The following WWOX variants were observed in gnomAD, a reference collection of about 807,000 sequenced individuals.
WWOX encodes the protein WW domain containing oxidoreductase, also known as WW domain-containing oxidoreductase.
A neutral mutation model predicts 46.2 loss-of-function variants in WWOX; 69 were observed. The ratio of observed to expected loss-of-function variants is 1.49; its 90% CI spans 1.23 to 1.82. The LOEUF (loss-of-function observed/expected upper bound fraction) is 1.82, where lower values mean the gene tolerates loss of function less well. Ranked by LOEUF, WWOX falls within the 40% of genes most tolerant of loss-of-function variation. The pLI, the probability that WWOX is intolerant of heterozygous loss-of-function variation, is 0.00. For synonymous variants in WWOX, 359 were observed against 202.6 expected (o/e 1.77, Z -6.56); for missense variants, 919 against 542.6 (o/e 1.69, Z -6.89).
intron 8 of WWOX, among the ~76,000 whole-genome samples, chr16:78,591,319 T>C (rs1275453034): frequency 6.6e-6 from 1 of 152,152 alleles, no homozygotes; most frequent in East Asian, 1.9e-4. Flanking sequence ...CAGAACTGTA[T>C]CAAATTTACA....
At chr16:78,890,209 A>G (rs773831535) in intron 8 of WWOX, 28 of 152,226 alleles carry the variant, frequency 1.8e-4, no homozygotes, top group Non-Finnish European at 4.0e-4. Flanking sequence ...AGGCACATCT[A>G]TTCTTGAAAT....
At position 78,399,955 on chromosome 16, in the gene WWOX, C is replaced by T. The variant is rs1242700764; in HGVS notation, c.605+13007C>T. On this transcript the variant is annotated intron_variant, in intron 6 of 8. Coordinates refer to ENST00000566780, the MANE Select transcript of WWOX (RefSeq NM_016373.4). ...AATCAGCGGTGCTACACCGTGGCAGCCTGCTGAAAATCCCCAAGGAAGATT... is the reference window on the plus strand; with the variant it reads ...AATCAGCGGTGCTACACCGTGGCAGTCTGCTGAAAATCCCCAAGGAAGATT... Among the ~76,000 whole-genome samples the T allele has an allele frequency of 2.0e-5, 3 of 152,152 alleles. No individual in the cohort carries two copies. The East Asian group carries it at 5.8e-4, about 29-fold the overall frequency.
intron 8 of WWOX, among the ~76,000 whole-genome samples, chr16:78,852,495 G>A (rs1479104669): frequency 8.5e-5 from 13 of 152,180 alleles, no homozygotes; most frequent in Admixed American, 7.9e-4. Context: ...CAACATGAGC[G>A]AGCCTTGTTG....
chr16:79,023,786 AAAATAC>A (rs2151387941), intron 8 of WWOX, among the ~76,000 whole-genome samples: 1 of 56,084 alleles, frequency 1.8e-5, no homozygotes, highest in Admixed American at 2.2e-4. Flanking sequence ...ATCTCTACTA[AAAATAC>A]AAAAAAAAAA....
intron 8 of WWOX, among the ~76,000 whole-genome samples, chr16:78,744,848 C>CT (rs1597534310): frequency 6.6e-6 from 1 of 152,128 alleles, no homozygotes; most frequent in East Asian, 1.9e-4. Context: ...GGTGACTTCA[C>CT]TAAAGTCATT....
chr16:79,125,359 A>G (rs926142585), intron 8 of WWOX, among the ~76,000 whole-genome samples: 8 of 152,198 alleles, frequency 5.3e-5, no homozygotes, highest in Admixed American at 3.9e-4. Context: ...GTCCAATAGC[A>G]TGGGAAAGTA....
intron 8 of WWOX, among the ~76,000 whole-genome samples, chr16:78,484,135 T>G (rs1203215566): frequency 6.6e-6 from 1 of 152,352 alleles, no homozygotes; most frequent in East Asian, 1.9e-4. Context: ...CATATGTATG[T>G]AGTGCTTTGT....
At chr16:78,759,122 T>G (rs2049728881) in intron 8 of WWOX, among the ~76,000 whole-genome samples, 1 of 152,146 alleles carries the variant, frequency 6.6e-6, no homozygotes, top group Admixed American at 6.5e-5. Flanking sequence ...TAGGGATTCC[T>G]GGCTGATCTG....
Position 78,781,615 on chromosome 16 carries a change from G to T in WWOX, c.1056+348863G>T, listed in dbSNP as rs181595603. Among the ~76,000 whole-genome samples the T allele has an allele frequency of 3.9e-3, 587 of 152,180 alleles. 10 individuals carry two copies. The highest frequency in any genetic ancestry group is 2.4e-3 in the Non-Finnish European group (166 of 68,010). On this transcript the variant is annotated intron_variant, in intron 8 of 8. Coordinates refer to ENST00000566780, the MANE Select transcript of WWOX (RefSeq NM_016373.4). Reference sequence around the variant, plus strand: ...CCCCACTTTATCCAAAAGTTATTCAGTGTTTTACAAAGACATGAATATTGG... The same window carrying T: ...CCCCACTTTATCCAAAAGTTATTCATTGTTTTACAAAGACATGAATATTGG...
At chr16:78,897,413 A>G (rs1172873016) in intron 8 of WWOX, 1 of 152,074 alleles carries the variant, frequency 6.6e-6, no homozygotes, top group African/African-American at 2.4e-5. Context: ...CATTTAATAG[A>G]AATCATACCT....
chr16:78,762,879 A>T (rs1260191005), intron 8 of WWOX, among the ~76,000 whole-genome samples: 2 of 152,202 alleles, frequency 1.3e-5, no homozygotes, highest in South Asian at 4.1e-4. Flanking sequence ...TGAAGGACTC[A>T]TGGTAGTTAA....
At chr16:78,959,399 C>A (rs1390653524) in intron 8 of WWOX, among the ~76,000 whole-genome samples, 2 of 152,188 alleles carry the variant, frequency 1.3e-5, no homozygotes, top group African/African-American at 2.4e-5. Flanking sequence ...ACTTGACGTC[C>A]ATTAGGGGAC....
At chr16:78,633,558 G>A (rs994527568) in intron 8 of WWOX, among the ~76,000 whole-genome samples, 4 of 152,138 alleles carry the variant, frequency 2.6e-5, no homozygotes, top group Non-Finnish European at 5.9e-5. Context: ...TTCACTGTGC[G>A]GGTTTCTGAT....
At chr16:78,150,298 C>G (rs145608477) in intron 4 of WWOX, among the ~76,000 whole-genome samples, 168 of 152,320 alleles carry the variant, frequency 1.1e-3, no homozygotes, top group African/African-American at 3.7e-3. Flanking sequence ...TTCCATACCC[C>G]CTCCCGGCAT....
chr16:79,079,350 C>A (rs8057228), intron 8 of WWOX, among the ~76,000 whole-genome samples: 1 of 150,956 alleles, frequency 6.6e-6, no homozygotes, highest in Admixed American at 6.6e-5. Flanking sequence ...TTCCCCCCGA[C>A]AAAAAAAAAT....
chr16:78,753,838 A>ATATG (rs2049559336), intron 8 of WWOX, among the ~76,000 whole-genome samples: 2 of 102,856 alleles, frequency 1.9e-5, no homozygotes, highest in Non-Finnish European at 3.8e-5. Flanking sequence ...ATATATATAT[A>ATATG]TATATATATA....
At chr16:78,729,180 A>G (rs1597504025) in intron 8 of WWOX, among the ~76,000 whole-genome samples, 1 of 151,832 alleles carries the variant, frequency 6.6e-6, no homozygotes, top group East Asian at 1.9e-4. Flanking sequence ...TTATCCGTAA[A>G]AAAAATAAAA....
intron 8 of WWOX, among the ~76,000 whole-genome samples, chr16:78,731,182 C>A (rs188227563): frequency 6.6e-6 from 1 of 152,026 alleles, no homozygotes; most frequent in East Asian, 1.9e-4. Flanking sequence ...CAACTGAGAC[C>A]GTGGCTAATA....
intron 8 of WWOX, among the ~76,000 whole-genome samples, chr16:79,021,797 C>T (rs1212068834): frequency 6.6e-6 from 1 of 152,174 alleles, no homozygotes; most frequent in Non-Finnish European, 1.5e-5. Context: ...GCCACAGACC[C>T]TCAGATTAAG....
Sources: gnomAD v4.1 joint callset for allele counts (sites outside exome capture counted in the v4.1 genomes callset) on GRCh38, gnomAD v4.1.1 for gene constraint, MANE v1.5 for transcripts, NCBI Gene and HGNC (gene_info 2026-07-23, HGNC 2026-07-21) for gene names.